EDA: variants seen among roughly 807,000 people sequenced by gnomAD.
EDA encodes the protein ectodysplasin A.
Under a neutral mutation model 23.6 loss-of-function variants are expected in EDA, and 2 were observed. The ratio of observed to expected loss-of-function variants is 0.08; its 90% confidence interval spans 0.03 to 0.27. EDA has a LOEUF of 0.27. Ranked by LOEUF, EDA falls within the 10% of genes least tolerant of loss-of-function variation. The probability of loss-of-function intolerance (pLI) is 1.00; values close to 1 mark genes in which losing one functional copy is unlikely to be tolerated. For missense variants in EDA, 229 were observed against 324.2 expected (o/e 0.71, Z 2.26); for synonymous variants, 131 against 132.0 (o/e 0.99, Z 0.05).
At chrX:69,732,391 GT>G (rs1205130937) in intron 1 of EDA, among the ~76,000 whole-genome samples, 1 of 111,592 alleles carries the variant, frequency 9.0e-6, no homozygotes, top group Non-Finnish European at 1.9e-5. Context: ...CAGAATGATG[GT>G]TTCCAGCTTC....
chrX:69,784,004 T>C (rs1373907111), intron 1 of EDA, among the ~76,000 whole-genome samples: 13 of 108,722 alleles, frequency 1.2e-4, no homozygotes, highest in African/African-American at 4.3e-4. Context: ...TGAGATGGTA[T>C]GTCATTGTGG....
intron 1 of EDA, among the ~76,000 whole-genome samples, chrX:69,867,959 G>A (rs1310931236): frequency 8.9e-6 from 1 of 111,989 alleles, no homozygotes; most frequent in Non-Finnish European, 1.9e-5. Context: ...ATGATAGGCA[G>A]TTCAGGTCTC....
intron 1 of EDA, among the ~76,000 whole-genome samples, chrX:69,944,314 C>G (rs1309646230): frequency 8.9e-6 from 1 of 111,737 alleles, no homozygotes; most frequent in Non-Finnish European, 1.9e-5. Flanking sequence ...GAATCTCACA[C>G]AAGGCCCGTG....
chrX:69,681,637 T>G (rs1934355677), intron 1 of EDA, among the ~76,000 whole-genome samples: 1 of 111,086 alleles, frequency 9.0e-6, no homozygotes, highest in Admixed American at 9.6e-5. Flanking sequence ...TTCTGCATTC[T>G]TCACGTAGTT....
At chrX:69,884,334 A>G (rs2017795363) in intron 1 of EDA, among the ~76,000 whole-genome samples, 1 of 112,200 alleles carries the variant, frequency 8.9e-6, no homozygotes, top group South Asian at 3.7e-4. Context: ...GTGGAAATAT[A>G]GAATGACTGC....
At chrX:69,794,584 C>G (rs750573820) in intron 1 of EDA, among the ~76,000 whole-genome samples, 1 of 112,286 alleles carries the variant, frequency 8.9e-6, no homozygotes, top group Admixed American at 9.4e-5. Flanking sequence ...TTCTAAAAGA[C>G]TCCTCTAGCT....
At chrX:69,768,311 T>C (rs2014529595) in intron 1 of EDA, among the ~76,000 whole-genome samples, 1 of 112,000 alleles carries the variant, frequency 8.9e-6, no homozygotes, top group South Asian at 3.7e-4. Context: ...CATCAAAAAG[T>C]TTTATAATTT....
intron 1 of EDA, among the ~76,000 whole-genome samples, chrX:69,821,818 G>T (rs943113902): frequency 1.3e-4 from 14 of 111,979 alleles, no homozygotes; most frequent in Non-Finnish European, 2.4e-4. Flanking sequence ...ATTGTTATAA[G>T]ATATGTGTAA....
intron 1 of EDA, among the ~76,000 whole-genome samples, chrX:69,724,611 A>G (rs1187217420): frequency 9.0e-6 from 1 of 111,545 alleles, no homozygotes; most frequent in Non-Finnish European, 1.9e-5. Context: ...CAGATCATGT[A>G]AACACTTCTC....
At chrX:69,956,769 G>A (rs372572959) in intron 1 of EDA, among the ~76,000 whole-genome samples, 2 of 112,150 alleles carry the variant, frequency 1.8e-5, no homozygotes, top group East Asian at 5.6e-4. Flanking sequence ...GAAGAAATGG[G>A]ACCTGATGGA....
chrX:69,797,082 T>A (rs1384607260), intron 1 of EDA, among the ~76,000 whole-genome samples: 1 of 111,148 alleles, frequency 9.0e-6, no homozygotes, highest in Non-Finnish European at 1.9e-5. Context: ...TTTTTATATG[T>A]ATAGGACACC....
chrX:69,809,515 A>G (rs369705643), intron 1 of EDA, among the ~76,000 whole-genome samples: 1 of 111,463 alleles, frequency 9.0e-6, no homozygotes. Context: ...GAGCCAAACC[A>G]TATCACTTCC....
rs749437954 is a variant in EDA, at chrX:69,977,761, G to T, written c.502+20629G>T. Among the ~76,000 whole-genome samples the T allele has an allele frequency of 3.6e-5, 4 of 111,672 alleles. No homozygotes were observed. The South Asian group carries it at 1.5e-3, about 42-fold the overall frequency. ...ACTGTGTGATCTTATTTATTAAACA[G>T]AACAGTATATTAGACAGATCATTCA... On this transcript the variant is annotated intron_variant, in intron 2 of 7. Transcript: ENST00000374552.
intron 1 of EDA, among the ~76,000 whole-genome samples, chrX:69,956,096 A>G (rs1490202976): frequency 8.9e-6 from 1 of 111,745 alleles, no homozygotes; most frequent in African/African-American, 3.3e-5. Context: ...TCAGAAGAGG[A>G]GAAAATAATT....
At chrX:69,804,713 A>T (rs1250947786) in intron 1 of EDA, among the ~76,000 whole-genome samples, 1 of 111,014 alleles carries the variant, frequency 9.0e-6, no homozygotes, top group African/African-American at 3.3e-5. Context: ...ATCTTCATGT[A>T]ACTAAATGGC....
chrX:69,788,173 T>A (rs1773616688), intron 1 of EDA, among the ~76,000 whole-genome samples: 2 of 111,717 alleles, frequency 1.8e-5, no homozygotes, highest in Admixed American at 1.9e-4. Context: ...CTGTATTGAT[T>A]ATTCTAGTTA....
At position 69,707,864 on chromosome X, in the gene EDA, A is replaced by G. The variant is rs1056250611; in HGVS notation, c.396+91160A>G. 9.0e-5 allele frequency among the ~76,000 whole-genome samples: 10 copies of G among 111,356 alleles called. No homozygotes were observed. In the South Asian group the frequency reaches 3.1e-3, roughly 34 times the overall value. ...GCAGACACCTGTGGCACCCCCATAC[A>G]GTACCCATTCCTGTTTCTATTGTGA... is the stretch of plus-strand genomic sequence containing the variant. On this transcript the variant is annotated intron_variant, in intron 1 of 7. Coordinates refer to ENST00000374552, the MANE Select transcript of EDA (RefSeq NM_001399.5).
intron 1 of EDA, among the ~76,000 whole-genome samples, chrX:69,737,637 C>T (rs968601386): frequency 8.9e-6 from 1 of 112,254 alleles, no homozygotes; most frequent in African/African-American, 3.2e-5. Context: ...AAAATGATTA[C>T]ATATCTTTCA....
Position 70,028,036 on chromosome X carries a change from G to T in EDA, c.706G>T (p.Gly236Cys). ...QGPPGLQGPS[G>C]AADKAGTREN... Reference sequence around the variant, plus strand: ...ACCCCCTGGCCTCCAGGGACCTTCTGGTGAGTTCCCCTGTCTCTCCACCCC... The same window carrying T: ...ACCCCCTGGCCTCCAGGGACCTTCTTGTGAGTTCCCCTGTCTCTCCACCCC... Residue 236 changes from glycine (G) to cysteine (C), a missense_variant and splice_region_variant, in exon 4 of 8, where the codon GGT becomes TGT. Physicochemically the swap from Gly to Cys is radical, Grantham distance 159. This residue lies in a region of EDA where 175 missense variants were observed against 281.8 expected (regional missense o/e 0.62). Coordinates refer to ENST00000374552, the MANE Select transcript of EDA (RefSeq NM_001399.5). 8.6e-7 allele frequency: 1 copy of T among 1,166,763 alleles called. No individual in the cohort carries two copies. The highest frequency in any genetic ancestry group is 1.1e-6 in the Non-Finnish European group (1 of 876,807).
Sources: gnomAD v4.1 joint callset for allele counts (sites outside exome capture counted in the v4.1 genomes callset) on GRCh38, gnomAD v4.1.1 for gene constraint, gnomAD v4.1.1 regional missense constraint, MANE v1.5 for transcripts, NCBI Gene and HGNC (gene_info 2026-07-23, HGNC 2026-07-21) for gene names.